NUP155: variants seen among roughly 807,000 people sequenced by gnomAD.
NUP155 encodes the protein nucleoporin 155, also known as nuclear pore complex protein Nup155.
NUP155 carries 71 observed loss-of-function variants against 180.4 expected under a neutral mutation model. The ratio of observed to expected loss-of-function variants is 0.39; its 90% CI spans 0.33 to 0.48. NUP155 has a LOEUF of 0.48. NUP155 is among the 20% of genes least tolerant of loss of function. NUP155 has a pLI of 0.91. For missense variants in NUP155, 1,553 were observed against 1,648.9 expected, an observed-to-expected ratio of 0.94 and a Z score of 1.01; for synonymous variants, 582 against 559.5, an observed-to-expected ratio of 1.04 and a Z score of -0.57.
chr5:37,363,840 T>C, intron 3 of NUP155, 48 bp downstream of exon 3: 1 of 1,223,246 alleles, frequency 8.2e-7, no homozygotes, highest in Non-Finnish European at 1.2e-6. Flanking sequence ...CAGTAAAGTT[T>C]ATATAAATTC....
chr5:37,301,463 C>A lies in NUP155; in HGVS notation c.3535G>T (p.Asp1179Tyr), dbSNP rs1460970188. Residue 1179 changes from aspartate to tyrosine, a missense_variant, in exon 30 of 35, where the codon GAT becomes TAT. Coordinates refer to ENST00000231498, the MANE Select transcript of NUP155 (RefSeq NM_153485.3). ...TTAGTTATGTCCATCAGCTCAGAAT[C>A]CAGCTGAGAAACTGCATCCTGTACA... The part of the protein sequence containing the change: ...SSVQDAVSQL[D>Y]SELMDITKLY... 6.2e-7 allele frequency: 1 copy of A among 1,610,652 alleles called. No homozygotes were observed. The highest frequency in any genetic ancestry group is 8.5e-7 in the Non-Finnish European group (1 of 1,176,892).
At chr5:37,352,923 A>G in intron 4 of NUP155, 94 bp from the exon 5 acceptor site, 1 of 812,178 alleles carries the variant, frequency 1.2e-6, no homozygotes, top group Non-Finnish European at 2.1e-6. Flanking sequence ...TACTAATTAA[A>G]TGGTATATGA....
In NUP155 at chr5:37,333,180, C is replaced by A. The variant is rs777614161; in HGVS notation, c.1518+283G>T. Reference sequence around the variant, plus strand: ...GACCAGCCTGGCCAACATGGTGAAACCCCATCTCTACTAAAAATACAAAAA... The same window carrying A: ...GACCAGCCTGGCCAACATGGTGAAAACCCATCTCTACTAAAAATACAAAAA... On this transcript the variant is annotated intron_variant, in intron 13 of 34. Coordinates refer to ENST00000231498, the MANE Select transcript of NUP155 (RefSeq NM_153485.3). 2.0e-5 allele frequency among the ~76,000 whole-genome samples: 3 copies of A among 150,846 alleles called. 1 individual carries two copies. Among genetic ancestry groups the A allele is most frequent in the African/African-American group, 2.4e-5 (1 of 40,990 alleles).
At chr5:37,296,204 T>G (rs1185192339) in intron 32 of NUP155, among the ~76,000 whole-genome samples, 1 of 152,128 alleles carries the variant, frequency 6.6e-6, no homozygotes, top group African/African-American at 2.4e-5. Flanking sequence ...GAACGGGCCA[T>G]GATGACAATG....
At chr5:37,293,260 CTGAGA>C (rs1742329304) in intron 33 of NUP155, 1 of 314,488 alleles carries the variant, frequency 3.2e-6, no homozygotes, top group Non-Finnish European at 5.9e-6. Flanking sequence ...GCTTAGGAAT[CTGAGA>C]TAAGAGAAAA....
chr5:37,370,807 T>A lies in NUP155; in HGVS notation c.157+14A>T, dbSNP rs1481961797. 1.2e-6 allele frequency: 2 copies of A among 1,613,842 alleles called. No homozygotes were observed. Among genetic ancestry groups the A allele is most frequent in the Admixed American group, 1.7e-5 (1 of 59,984 alleles). On this transcript the variant is annotated intron_variant, in intron 1 of 34. Transcript: ENST00000231498. Reference sequence around the variant, plus strand: ...AGTCCTTTAGGTTGAGAAAGCAGGGTCACTATCACTCACTTGGGGCAGACA... The same window carrying A: ...AGTCCTTTAGGTTGAGAAAGCAGGGACACTATCACTCACTTGGGGCAGACA...
At chr5:37,294,653 C>T (rs1742425046) in intron 32 of NUP155, among the ~76,000 whole-genome samples, 188 bp from the exon 33 acceptor site, 1 of 151,984 alleles carries the variant, frequency 6.6e-6, no homozygotes, top group African/African-American at 2.4e-5. Context: ...GGAGCAACTA[C>T]AGTGCACGAC....
chr5:37,363,859 C>T (rs2111718630), intron 3 of NUP155, 29 bp downstream of exon 3: 1 of 1,453,782 alleles, frequency 6.9e-7, no homozygotes, highest in Non-Finnish European at 9.7e-7. Context: ...TCCAATCACC[C>T]TTAAAGCAAA....
intron 11 of NUP155, among the ~76,000 whole-genome samples, chr5:37,338,850 C>T (rs1003267972): frequency 2.0e-5 from 3 of 151,828 alleles, no homozygotes; most frequent in Admixed American, 6.6e-5. Context: ...CACATTTTAG[C>T]ATTTCTGAAC....
Position 37,314,302 on chromosome 5 carries a change from G to T in NUP155, c.2332C>A (p.Leu778Ile). 1 of 1,608,570 alleles carries T rather than the reference G, an allele frequency of 6.2e-7. No individual in the cohort carries two copies. The highest frequency in any genetic ancestry group is 8.5e-7 in the Non-Finnish European group (1 of 1,175,390). Residue 778 changes from leucine to isoleucine, a missense_variant, in exon 22 of 35, where the codon CTT (leucine) becomes ATT (isoleucine). Coordinates refer to ENST00000231498, the MANE Select transcript of NUP155 (RefSeq NM_153485.3). ...CGAACCAACTGCTGAATTGCCTGAA[G>T]TGAAATCTTTTCACTTAGTTGAGCC... The part of the protein sequence containing the change: ...HEAQLSEKIS[L>I]QAIQQLVRKS...
intron 34 of NUP155, 32 bp downstream of exon 34, chr5:37,292,847 T>C: frequency 7.1e-7 from 1 of 1,406,878 alleles, no homozygotes. Context: ...ATTTAAAAGC[T>C]TTTGCTGATC....
chr5:37,360,326 C>CA (rs997909703), intron 3 of NUP155, among the ~76,000 whole-genome samples: 6 of 148,994 alleles, frequency 4.0e-5, no homozygotes, highest in African/African-American at 1.5e-4. Flanking sequence ...TACTAAAATA[C>CA]AAAAAAAAAT....
rs1369798548 is a variant in NUP155, at chr5:37,334,915, T to C, written c.1348-1282A>G. On this transcript the variant is annotated intron_variant, in intron 12 of 34. Coordinates refer to ENST00000231498, the MANE Select transcript of NUP155 (RefSeq NM_153485.3). ...TGGCTCACGCCTATAATCCCAGCAC[T>C]TTGGGAGGTGGAGGCGGGCGGTACC... Among the ~76,000 whole-genome samples, 6 of 152,110 alleles carry C rather than the reference T, an allele frequency of 3.9e-5. No homozygotes were observed. The East Asian group carries it at 1.2e-3, about 29-fold the overall frequency.
chr5:37,308,571 G>A (rs1280102098), intron 24 of NUP155, among the ~76,000 whole-genome samples: 8 of 151,938 alleles, frequency 5.3e-5, no homozygotes, highest in African/African-American at 9.7e-5. Context: ...GGTGGCAGGC[G>A]CCTGTAGTCC....
At chr5:37,327,846 T>A in intron 17 of NUP155, 70 bp from the exon 18 acceptor site, 1 of 1,529,944 alleles carries the variant, frequency 6.5e-7, no homozygotes, top group African/African-American at 1.4e-5. Context: ...TTAATCTTAA[T>A]CTTAGAACCC....
intron 11 of NUP155, among the ~76,000 whole-genome samples, chr5:37,340,569 T>C (rs1327782000): frequency 6.6e-6 from 1 of 152,170 alleles, no homozygotes; most frequent in Non-Finnish European, 1.5e-5. Flanking sequence ...AGAATAGAAC[T>C]GAGAATCCAG....
At chr5:37,299,756 C>T (rs538863964) in intron 30 of NUP155, among the ~76,000 whole-genome samples, 188 bp from the exon 31 acceptor site, 6 of 152,004 alleles carry the variant, frequency 3.9e-5, no homozygotes, top group African/African-American at 1.4e-4. Context: ...GGGTATGGGC[C>T]GGGTACGGTG....
chr5:37,361,265 C>CAAAAA (rs35489900), intron 3 of NUP155, among the ~76,000 whole-genome samples: 7 of 77,992 alleles, frequency 9.0e-5, no homozygotes, highest in African/African-American at 2.4e-4. Context: ...GACTCTGTCT[C>CAAAAA]AAAAAAAAAA....
intron 16 of NUP155, among the ~76,000 whole-genome samples, chr5:37,328,751 C>T (rs1240117469): frequency 1.3e-5 from 2 of 152,276 alleles, no homozygotes; most frequent in African/African-American, 4.8e-5. Context: ...GTGATCTGCC[C>T]GCCTCGGCCT....
Sources: allele counts gnomAD v4.1 joint callset (sites outside exome capture counted in the v4.1 genomes callset), GRCh38; gene constraint gnomAD v4.1.1; transcripts MANE v1.5; gene names NCBI Gene and HGNC (gene_info 2026-07-23, HGNC 2026-07-21).